The following SRPK1 variants were observed in gnomAD, a reference collection of about 807,000 sequenced individuals.
SRPK1 encodes SRSF protein kinase 1, also known as SFRS protein kinase 1.
In SRPK1, 52 loss-of-function variants were observed where a neutral mutation model predicts 89.5. That is an observed-to-expected ratio of 0.58 (90% CI 0.46 to 0.73). SRPK1 has a LOEUF of 0.73. Among genes scored for constraint, SRPK1 ranks in the 30% least tolerant of loss-of-function variants. The pLI is 0.00. For missense variants in SRPK1, 603 were observed against 780.6 expected (o/e 0.77, Z 2.71); for synonymous variants, 255 against 270.2 (o/e 0.94, Z 0.55).
chr6:35,905,991 C>T (rs1196909916), intron 2 of SRPK1, among the ~76,000 whole-genome samples: 1 of 152,092 alleles, frequency 6.6e-6, no homozygotes, highest in Non-Finnish European at 1.5e-5. Flanking sequence ...AGATTATGGT[C>T]TCCAAATACC....
chr6:35,865,078 T>C (rs1018733694), intron 12 of SRPK1, among the ~76,000 whole-genome samples: 2 of 152,156 alleles, frequency 1.3e-5, no homozygotes, highest in Non-Finnish European at 2.9e-5. Context: ...GGATGATTAA[T>C]GGGTATAAAA....
intron 13 of SRPK1, 68 bp from the exon 14 acceptor site, chr6:35,842,672 A>G (rs1769336555): frequency 8.5e-7 from 1 of 1,176,058 alleles, no homozygotes; most frequent in Non-Finnish European, 1.2e-6. Flanking sequence ...GCTGATTGCT[A>G]TTTGGCTCAA....
At chr6:35,864,261 C>T (rs60194097) in intron 12 of SRPK1, among the ~76,000 whole-genome samples, 1 of 151,720 alleles carries the variant, frequency 6.6e-6, no homozygotes, top group Non-Finnish European at 1.5e-5. Flanking sequence ...AGACAACCCA[C>T]AGAATGGGAG....
intron 10 of SRPK1, 131 bp downstream of exon 10, chr6:35,870,150 G>T: frequency 1.1e-6 from 1 of 893,546 alleles, no homozygotes; most frequent in Non-Finnish European, 1.6e-6. Context: ...TAACATTTAT[G>T]ACAAGATCCA....
intron 3 of SRPK1, among the ~76,000 whole-genome samples, chr6:35,889,923 CCT>C (rs1049943285): frequency 3.3e-5 from 5 of 149,532 alleles, no homozygotes; most frequent in South Asian, 2.1e-4. Context: ...ACGGTGAAAC[CCT>C]GTGTCTACTA....
At chr6:35,871,460 T>C (rs1007038484) in intron 8 of SRPK1, among the ~76,000 whole-genome samples, 1 of 152,238 alleles carries the variant, frequency 6.6e-6, no homozygotes, top group African/African-American at 2.4e-5. Flanking sequence ...AAAAAACACA[T>C]AATAAAAATT....
chr6:35,860,252 A>C (rs1367486589), intron 12 of SRPK1, among the ~76,000 whole-genome samples: 1 of 152,180 alleles, frequency 6.6e-6, no homozygotes, highest in Non-Finnish European at 1.5e-5. Context: ...AACAGTACTA[A>C]GAGGTGAGAC....
At chr6:35,902,552 G>A (rs1365075381) in intron 2 of SRPK1, among the ~76,000 whole-genome samples, 1 of 152,176 alleles carries the variant, frequency 6.6e-6, no homozygotes, top group Non-Finnish European at 1.5e-5. Context: ...TCAGTACTGG[G>A]CTAGGCACTC....
intron 6 of SRPK1, among the ~76,000 whole-genome samples, chr6:35,880,738 A>AAAAAAAAAAAAAAAAAAAAAAAAAGAAAG (rs1554152646): frequency 5.3e-5 from 1 of 18,828 alleles, no homozygotes; most frequent in Non-Finnish European, 8.4e-5. Context: ...AAAAAAAGAA[A>AAAAAAAAAAAAAAAAAAAAAAAAAGAAAG]AAAAAAAAAA....
At position 35,848,702 on chromosome 6, in the gene SRPK1, G is replaced by A. The variant is rs574323924; in HGVS notation, c.1621-6098C>T. Among the ~76,000 whole-genome samples the A allele has an allele frequency of 1.5e-3, 231 of 152,274 alleles. 3 individuals are homozygous for A. The highest frequency in any genetic ancestry group is 5.0e-3 in the African/African-American group (208 of 41,562). On this transcript the variant is annotated intron_variant, in intron 13 of 15. Transcript: ENST00000373825. Reference sequence around the variant, plus strand: ...ATAGAGAGCCCAGAAATGAACCCACGCATGTATGGTCAAGTGATCTTTGAC... The same window carrying A: ...ATAGAGAGCCCAGAAATGAACCCACACATGTATGGTCAAGTGATCTTTGAC...
intron 15 of SRPK1, among the ~76,000 whole-genome samples, chr6:35,837,882 T>G (rs1443282937): frequency 3.3e-5 from 5 of 151,760 alleles, no homozygotes; most frequent in Admixed American, 6.6e-5. Context: ...TTTTTTTTTT[T>G]TGTGAGACAG....
Position 35,920,618 on chromosome 6 carries a change from G to A in SRPK1, c.14-90C>T, listed in dbSNP as rs548564448. On this transcript the variant is annotated intron_variant, in intron 1 of 15. Transcript: ENST00000373825. Reference sequence around the variant, plus strand: ...GAGACCCAGCAGGGGCGCCAGGCCCGGCTGCGGGGCCTGCCTCGGGGGCGG... The same window carrying A: ...GAGACCCAGCAGGGGCGCCAGGCCCAGCTGCGGGGCCTGCCTCGGGGGCGG... 167 of 1,177,332 alleles carry A rather than the reference G, an allele frequency of 1.4e-4. 1 individual carries two copies. The East Asian group carries it at 5.1e-3, about 36-fold the overall frequency. 72.9% of individuals were successfully genotyped at this position (1,177,332 alleles called of 1,614,324 possible). A position where few individuals can be genotyped will look rare whatever the true frequency, so the allele number is the denominator to read the frequency against.
At chr6:35,918,921 C>G (rs1457013450) in intron 2 of SRPK1, among the ~76,000 whole-genome samples, 1 of 152,156 alleles carries the variant, frequency 6.6e-6, no homozygotes, top group Non-Finnish European at 1.5e-5. Context: ...TAAGAGAGAT[C>G]TGGACAAATA....
intron 6 of SRPK1, among the ~76,000 whole-genome samples, chr6:35,876,725 T>C (rs1770163751): frequency 6.6e-6 from 1 of 152,156 alleles, no homozygotes; most frequent in African/African-American, 2.4e-5. Flanking sequence ...ACTTATCTTA[T>C]TGAAAAAACA....
intron 6 of SRPK1, among the ~76,000 whole-genome samples, chr6:35,877,138 A>C (rs1352185428): frequency 6.6e-6 from 1 of 152,214 alleles, no homozygotes; most frequent in East Asian, 1.9e-4. Context: ...TGTTCCCAGC[A>C]AAGAGACTAG....
At chr6:35,878,645 T>C (rs1253963252) in intron 6 of SRPK1, among the ~76,000 whole-genome samples, 1 of 152,188 alleles carries the variant, frequency 6.6e-6, no homozygotes, top group African/African-American at 2.4e-5. Context: ...GCCCCAAGTA[T>C]CAGAGTCGGG....
intron 14 of SRPK1, among the ~76,000 whole-genome samples, chr6:35,839,548 G>A (rs1769257450): frequency 1.3e-5 from 2 of 152,010 alleles, no homozygotes; most frequent in Non-Finnish European, 2.9e-5. Context: ...TGGACCATGA[G>A]CACAACCAGG....
intron 13 of SRPK1, among the ~76,000 whole-genome samples, chr6:35,855,219 G>A (rs577454278): frequency 2.6e-5 from 4 of 151,996 alleles, no homozygotes; most frequent in Non-Finnish European, 5.9e-5. Context: ...GGAGAATGGC[G>A]TGAACCTGGG....
At chr6:35,862,184 G>A (rs1168537533) in intron 12 of SRPK1, among the ~76,000 whole-genome samples, 1 of 152,004 alleles carries the variant, frequency 6.6e-6, no homozygotes, top group Non-Finnish European at 1.5e-5. Context: ...CCAGGGGCCT[G>A]AGAACCTGCC....
Sources: allele counts gnomAD v4.1 joint callset (sites outside exome capture counted in the v4.1 genomes callset), GRCh38; gene constraint gnomAD v4.1.1; transcripts MANE v1.5; gene names NCBI Gene and HGNC (gene_info 2026-07-23, HGNC 2026-07-21).